The following DPP10 variants were observed in gnomAD, a reference collection of about 807,000 sequenced individuals.
DPP10 encodes dipeptidyl peptidase like 10.
A neutral mutation model predicts 120.9 loss-of-function variants in DPP10; 33 were observed. The ratio of observed to expected loss-of-function variants is 0.27; its 90% CI spans 0.21 to 0.37. DPP10 has a LOEUF of 0.37. DPP10 is among the 10% of genes least tolerant of loss of function. The pLI is 1.00. For synonymous variants in DPP10, 337 were observed against 326.1 expected (o/e 1.03, Z -0.36); for missense variants, 816 against 942.8 (o/e 0.87, Z 1.76).
At chr2:115,338,602 A>G (rs909821235) in intron 2 of DPP10, among the ~76,000 whole-genome samples, 7 of 152,112 alleles carry the variant, frequency 4.6e-5, no homozygotes, top group Non-Finnish European at 1.0e-4. Context: ...CTGGGATTAT[A>G]GACATGAGCC....
At chr2:115,042,527 A>G (rs532395124) in intron 1 of DPP10, among the ~76,000 whole-genome samples, 5 of 152,326 alleles carry the variant, frequency 3.3e-5, no homozygotes, top group Admixed American at 3.3e-4. Context: ...CAGCCTCCCA[A>G]ATTGCTGGGA....
chr2:115,109,430 G>A (rs565376240), intron 1 of DPP10, among the ~76,000 whole-genome samples: 11 of 152,212 alleles, frequency 7.2e-5, no homozygotes, highest in African/African-American at 2.4e-4. Flanking sequence ...CAGCTACTCT[G>A]GAGGCTGAGG....
chr2:115,772,781 T>G (rs1055881048), intron 13 of DPP10, among the ~76,000 whole-genome samples: 2 of 152,170 alleles, frequency 1.3e-5, no homozygotes, highest in South Asian at 4.1e-4. Flanking sequence ...AGTGAAGAGA[T>G]AGGTTTTTAT....
At chr2:115,229,034 C>A (rs926374793) in intron 1 of DPP10, among the ~76,000 whole-genome samples, 5 of 152,116 alleles carry the variant, frequency 3.3e-5, no homozygotes, top group African/African-American at 1.2e-4. Flanking sequence ...TCCTTGCCAG[C>A]ACTTATTACT....
intron 5 of DPP10, among the ~76,000 whole-genome samples, chr2:115,663,994 CAATAATAATAAT>C (rs70941084): frequency 6.0e-5 from 9 of 148,870 alleles, no homozygotes; most frequent in Non-Finnish European, 8.9e-5. Context: ...GACTCCATCT[CAATAATAATAAT>C]AATAATAATA....
At chr2:115,229,011 C>G (rs1417372432) in intron 1 of DPP10, among the ~76,000 whole-genome samples, 1 of 152,092 alleles carries the variant, frequency 6.6e-6, no homozygotes, top group Non-Finnish European at 1.5e-5. Flanking sequence ...ACAAGGGTCC[C>G]CTTTTCTAAA....
intron 25 of DPP10, 118 bp downstream of exon 25, chr2:115,840,941 A>G (rs1369425193): frequency 1.3e-6 from 1 of 784,378 alleles, no homozygotes; most frequent in African/African-American, 1.8e-5. Flanking sequence ...TATGTTTTTT[A>G]GTTACCAAAG....
intron 5 of DPP10, among the ~76,000 whole-genome samples, chr2:115,682,875 A>G (rs569100770): frequency 2.0e-5 from 3 of 151,900 alleles, no homozygotes; most frequent in Non-Finnish European, 4.4e-5. Context: ...GAAATACACT[A>G]TAAATTATAA....
At chr2:114,880,599 T>C (rs1691521396) in intron 1 of DPP10, among the ~76,000 whole-genome samples, 1 of 152,176 alleles carries the variant, frequency 6.6e-6, no homozygotes, top group Non-Finnish European at 1.5e-5. Context: ...ATTTGTCCTT[T>C]GGATTTTAAG....
At chr2:115,597,186 G>A (rs1032754313) in intron 5 of DPP10, among the ~76,000 whole-genome samples, 2 of 152,122 alleles carry the variant, frequency 1.3e-5, no homozygotes, top group Non-Finnish European at 1.5e-5. Context: ...TTCACTGTGA[G>A]GACATTCCCT....
At chr2:115,058,690 C>G (rs1271900214) in intron 1 of DPP10, among the ~76,000 whole-genome samples, 4 of 152,198 alleles carry the variant, frequency 2.6e-5, no homozygotes, top group African/African-American at 4.8e-5. Flanking sequence ...CGTGAGCTAC[C>G]GTGCCCGGCC....
intron 7 of DPP10, among the ~76,000 whole-genome samples, chr2:115,712,619 ACACTAGG>A (rs1460657683): frequency 7.5e-6 from 1 of 134,098 alleles, no homozygotes; most frequent in Non-Finnish European, 1.6e-5. Context: ...GTTTTACCCC[ACACTAGG>A]GATCAGCAAC....
At chr2:115,557,153 G>GTC (rs893896730) in intron 5 of DPP10, among the ~76,000 whole-genome samples, 1 of 152,074 alleles carries the variant, frequency 6.6e-6, no homozygotes, top group Non-Finnish European at 1.5e-5. Flanking sequence ...GTCTGTGGGT[G>GTC]TCTCTCTCTC....
chr2:115,669,025 T>C (rs1411835622), intron 5 of DPP10, among the ~76,000 whole-genome samples: 1 of 152,104 alleles, frequency 6.6e-6, no homozygotes, highest in African/African-American at 2.4e-5. Flanking sequence ...AGGGTAGAAG[T>C]ATTTGCTGCT....
intron 1 of DPP10, among the ~76,000 whole-genome samples, chr2:115,028,734 T>A (rs555769808): frequency 1.5e-4 from 23 of 152,274 alleles, no homozygotes; most frequent in Non-Finnish European, 2.4e-4. Context: ...TACACACGGA[T>A]GCTCCTGTGT....
chr2:114,733,322 A>G (rs758835286), intron 1 of DPP10, among the ~76,000 whole-genome samples: 1 of 152,132 alleles, frequency 6.6e-6, no homozygotes, highest in African/African-American at 2.4e-5. Context: ...CCTCCTCAGC[A>G]TCAATGGATG....
chr2:115,514,377 C>T (rs769361086), intron 4 of DPP10, among the ~76,000 whole-genome samples: 10 of 151,542 alleles, frequency 6.6e-5, no homozygotes, highest in Non-Finnish European at 1.0e-4. Flanking sequence ...TCCTTTTCTT[C>T]TCTATAGTCT....
intron 1 of DPP10, among the ~76,000 whole-genome samples, chr2:114,810,307 A>T (rs1685073145): frequency 6.6e-6 from 1 of 152,220 alleles, no homozygotes; most frequent in Non-Finnish European, 1.5e-5. Flanking sequence ...CTCTTTCTGA[A>T]TTCTGACGCA....
chr2:114,699,027 A>G (rs1700229262), intron 1 of DPP10, among the ~76,000 whole-genome samples: 1 of 152,088 alleles, frequency 6.6e-6, no homozygotes, highest in African/African-American at 2.4e-5. Flanking sequence ...TTTTTTAATG[A>G]CTGGATAAGC....
Sources: allele counts gnomAD v4.1 joint callset (sites outside exome capture counted in the v4.1 genomes callset), GRCh38; gene constraint gnomAD v4.1.1; transcripts MANE v1.5; gene names NCBI Gene and HGNC (gene_info 2026-07-23, HGNC 2026-07-21).